Variants in GALNT7 observed in about 807,000 individuals in gnomAD.
GALNT7 encodes polypeptide N-acetylgalactosaminyltransferase 7.
A neutral mutation model predicts 82.1 loss-of-function variants in GALNT7; 60 were observed. That is an observed-to-expected ratio of 0.73 (90% CI 0.59 to 0.91). The LOEUF (loss-of-function observed/expected upper bound fraction) is 0.91, where lower values mean the gene tolerates loss of function less well. Among genes scored for constraint, GALNT7 ranks in the 40% least tolerant of loss-of-function variants. The pLI is 0.00. For synonymous variants in GALNT7, 243 were observed against 275.1 expected (o/e 0.88, Z 1.15); for missense variants, 660 against 804.2 (o/e 0.82, Z 2.17).
intron 1 of GALNT7, among the ~76,000 whole-genome samples, chr4:173,195,136 T>A (rs1392413784): frequency 6.6e-6 from 1 of 152,212 alleles, no homozygotes; most frequent in Non-Finnish European, 1.5e-5. Flanking sequence ...AATTTGGAAT[T>A]AATATTGAGT....
At chr4:173,235,906 C>G (rs996486758) in intron 1 of GALNT7, among the ~76,000 whole-genome samples, 43 of 152,218 alleles carry the variant, frequency 2.8e-4, no homozygotes, top group African/African-American at 1.0e-3. Context: ...CTTGAAGTTT[C>G]TTACAGCACC....
chr4:173,225,022 AATAATAATAAT>A (rs2126697241), intron 1 of GALNT7, among the ~76,000 whole-genome samples: 1 of 5,784 alleles, frequency 1.7e-4, no homozygotes, highest in East Asian at 0.025. Flanking sequence ...CTCAAAAAAT[AATAATAATAAT>A]AATAATAATA....
chr4:173,300,657 G>A (rs1396605502), intron 6 of GALNT7, among the ~76,000 whole-genome samples: 1 of 152,078 alleles, frequency 6.6e-6, no homozygotes, highest in Non-Finnish European at 1.5e-5. Context: ...CAGAGAGCCG[G>A]GAGAGGCTGG....
chr4:173,176,630 C>T (rs893726103), intron 1 of GALNT7, among the ~76,000 whole-genome samples: 1 of 152,086 alleles, frequency 6.6e-6, no homozygotes, highest in African/African-American at 2.4e-5. Context: ...TGTGGGAGCA[C>T]AGAGAAAGGA....
chr4:173,261,150 G>T (rs974333657), intron 2 of GALNT7, among the ~76,000 whole-genome samples: 1 of 152,060 alleles, frequency 6.6e-6, no homozygotes, highest in African/African-American at 2.4e-5. Flanking sequence ...TCCAGTTTAG[G>T]GTGGTGTGCA....
intron 1 of GALNT7, among the ~76,000 whole-genome samples, chr4:173,183,814 G>C (rs1441619707): frequency 1.3e-5 from 2 of 151,362 alleles, no homozygotes; most frequent in Non-Finnish European, 3.0e-5. Context: ...GCGGCTGGCC[G>C]GGCGGGGACT....
intron 1 of GALNT7, among the ~76,000 whole-genome samples, chr4:173,189,169 C>T (rs1021588244): frequency 2.6e-5 from 4 of 152,122 alleles, no homozygotes; most frequent in East Asian, 1.9e-4. Flanking sequence ...ACTGATCTTG[C>T]GGTTATTTAT....
intron 8 of GALNT7, among the ~76,000 whole-genome samples, chr4:173,307,593 C>T (rs896746152): frequency 5.3e-5 from 8 of 152,294 alleles, no homozygotes; most frequent in African/African-American, 1.2e-4. Context: ...CAGAAGCATG[C>T]GTAGAGTTAG....
intron 1 of GALNT7, among the ~76,000 whole-genome samples, chr4:173,219,678 C>T (rs186671018): frequency 4.8e-4 from 73 of 152,022 alleles, no homozygotes; most frequent in Middle Eastern, 3.4e-3. Flanking sequence ...TTTTTGATTA[C>T]GGTAATTCTT....
intron 1 of GALNT7, among the ~76,000 whole-genome samples, chr4:173,243,896 C>T (rs888024206): frequency 8.5e-5 from 13 of 152,094 alleles, no homozygotes; most frequent in Non-Finnish European, 1.8e-4. Flanking sequence ...CTTTTCTTTT[C>T]GGAGTCTATC....
intron 1 of GALNT7, among the ~76,000 whole-genome samples, chr4:173,178,052 T>TGTGTGCGCGCGTGCGCGC (rs563102408): frequency 7.7e-6 from 1 of 129,510 alleles, no homozygotes; most frequent in African/African-American, 3.1e-5. Context: ...TGTGTGTGTG[T>TGTGTGCGCGCGTGCGCGC]GCGCGCACGC....
At chr4:173,194,946 AC>A (rs1732734204) in intron 1 of GALNT7, among the ~76,000 whole-genome samples, 2 of 152,160 alleles carry the variant, frequency 1.3e-5, no homozygotes, top group Non-Finnish European at 2.9e-5. Context: ...GGTTTTGTAA[AC>A]CTGAAAACTC....
At chr4:173,183,436 C>A (rs1381438766) in intron 1 of GALNT7, among the ~76,000 whole-genome samples, 1 of 151,878 alleles carries the variant, frequency 6.6e-6, no homozygotes, top group Non-Finnish European at 1.5e-5. Context: ...AGGCTCCTTT[C>A]TGTCAAAGGA....
chr4:173,248,428 T>TA lies in GALNT7; in HGVS notation c.576dup (p.Arg193ThrfsTer11), dbSNP rs755577068. On this transcript the variant is annotated frameshift_variant, in exon 2 of 12. Coordinates refer to ENST00000265000, the MANE Select transcript of GALNT7 (RefSeq NM_017423.3). LOFTEE classifies it high-confidence loss of function. ...TCACTGGACCGCAGCGTCAATGACT[T>TA]ACGCCAAGAAGAGTAAGCACACATC... 2 of 1,603,294 alleles carry TA rather than the reference T, an allele frequency of 1.2e-6. No individual in the cohort carries two copies. Among genetic ancestry groups the TA allele is most frequent in the Non-Finnish European group, 1.7e-6 (2 of 1,173,192 alleles).
intron 1 of GALNT7, among the ~76,000 whole-genome samples, chr4:173,238,255 T>G (rs1334063476): frequency 6.6e-6 from 1 of 152,188 alleles, no homozygotes; most frequent in Non-Finnish European, 1.5e-5. Flanking sequence ...GACAGATCAT[T>G]TTGTAGGAAT....
At chr4:173,237,404 T>G (rs1734269786) in intron 1 of GALNT7, among the ~76,000 whole-genome samples, 1 of 152,206 alleles carries the variant, frequency 6.6e-6, no homozygotes, top group Admixed American at 6.5e-5. Flanking sequence ...AGTGCTATAT[T>G]CATTTTCGAG....
chr4:173,313,570 CAAAA>C (rs957463269), intron 8 of GALNT7, among the ~76,000 whole-genome samples: 34 of 62,384 alleles, frequency 5.5e-4, no homozygotes, highest in African/African-American at 1.5e-3. Context: ...GACCCCATCA[CAAAA>C]AAAAAAAAAA....
rs1165044859 is a variant in GALNT7, at chr4:173,174,260, A to G, written c.126+5299A>G. On this transcript the variant is annotated intron_variant, in intron 1 of 11. Transcript: ENST00000265000. ...TAATGCAGAACTTTTGCATACATCT[A>G]CATTTTTTTCTAGGTTGATAATCAG... Among the ~76,000 whole-genome samples, 3 of 152,130 alleles carry G rather than the reference A, an allele frequency of 2.0e-5. No homozygotes were observed. In the East Asian group the frequency reaches 5.8e-4, roughly 29 times the overall value.
chr4:173,254,287 C>T (rs1003308281), intron 2 of GALNT7, among the ~76,000 whole-genome samples: 1 of 152,104 alleles, frequency 6.6e-6, no homozygotes, highest in African/African-American at 2.4e-5. Context: ...TACCTGAGTC[C>T]AAAATAAATA....
Sources: allele counts gnomAD v4.1 joint callset (sites outside exome capture counted in the v4.1 genomes callset), GRCh38; gene constraint gnomAD v4.1.1; transcripts MANE v1.5; gene names NCBI Gene and HGNC (gene_info 2026-07-23, HGNC 2026-07-21).